Variants in HAX1 observed in about 807,000 individuals in gnomAD.
HAX1 encodes the protein HCLS1 associated protein X-1.
Under a neutral mutation model 31.1 loss-of-function variants are expected in HAX1, and 27 were observed. The ratio of observed to expected loss-of-function variants is 0.87; its 90% CI spans 0.64 to 1.20. The LOEUF (loss-of-function observed/expected upper bound fraction) is 1.20. HAX1 is among the 50% of genes most tolerant of loss of function. HAX1 has a pLI of 0.00. For missense variants in HAX1, 357 were observed against 361.6 expected, an observed-to-expected ratio of 0.99 and a Z score of 0.10; for synonymous variants, 114 against 124.1, an observed-to-expected ratio of 0.92 and a Z score of 0.54.
rs1447687932 is a variant in HAX1, at chr1:154,272,859, C to A, written c.53+83C>A. 3.1e-5 allele frequency: 36 copies of A among 1,160,928 alleles called. No homozygotes were observed. In the South Asian group the frequency reaches 4.4e-4, roughly 14 times the overall value. The allele number at this position is 1,160,928 out of a possible 1,614,324, so 71.9% of individuals were successfully genotyped here. A position where few individuals can be genotyped will look rare whatever the true frequency, so the allele number is the denominator to read the frequency against. Reference sequence around the variant, plus strand: ...TACGTCTTATTTTTGGAAAAACATCCTCTGTCCCACTCCTTCAACTCCTGC... The same window carrying A: ...TACGTCTTATTTTTGGAAAAACATCATCTGTCCCACTCCTTCAACTCCTGC... On this transcript the variant is annotated intron_variant, in intron 1 of 6. Transcript: ENST00000328703.
chr1:154,273,708 T>C (rs910542080), intron 2 of HAX1, 66 bp from the exon 3 acceptor site: 1 of 1,601,370 alleles, frequency 6.2e-7, no homozygotes, highest in African/African-American at 1.3e-5. Context: ...AGACTGATGA[T>C]TTCAGAGAGA....
In HAX1 at chr1:154,272,661, A is replaced by G. The variant is rs952241949; in HGVS notation, c.-63A>G. 6.6e-7 allele frequency: 1 copy of G among 1,519,558 alleles called. No individual in the cohort carries two copies. Among genetic ancestry groups the G allele is most frequent in the Non-Finnish European group, 9.1e-7 (1 of 1,095,426 alleles). The allele number at this position is 1,519,558 out of a possible 1,614,324, so 94.1% of individuals were successfully genotyped here. ...CGCTCAATTTCTCACAGGGCTGCGC[A>G]GGTTTCCCCCGTCTGCGAATGGACC... is the stretch of plus-strand genomic sequence containing the variant. On this transcript the variant is annotated 5_prime_UTR_variant, in exon 1 of 7. Transcript: ENST00000328703.
chr1:154,275,797 G>A lies in HAX1; in HGVS notation c.*96G>A. The A allele has an allele frequency of 2.4e-6, 2 of 820,622 alleles. No individual in the cohort carries two copies. Among genetic ancestry groups the A allele is most frequent in the South Asian group, 2.8e-5 (2 of 70,824 alleles). 50.8% of individuals were successfully genotyped at this position (820,622 alleles called of 1,614,324 possible). ...CTTCTCTTGCCACCTCAGGGGCTTG[G>A]ATATGTGGAATAGTGAACTGGGGCC... On this transcript the variant is annotated 3_prime_UTR_variant, in exon 7 of 7. Coordinates refer to ENST00000328703, the MANE Select transcript of HAX1 (RefSeq NM_006118.4).
In HAX1 at chr1:154,272,655, C is replaced by G; in HGVS notation, c.-69C>G. Reference sequence around the variant, plus strand: ...ACGCCTCGCTCAATTTCTCACAGGGCTGCGCAGGTTTCCCCCGTCTGCGAA... The same window carrying G: ...ACGCCTCGCTCAATTTCTCACAGGGGTGCGCAGGTTTCCCCCGTCTGCGAA... On this transcript the variant is annotated 5_prime_UTR_variant, in exon 1 of 7. Transcript: ENST00000328703. The G allele has an allele frequency of 1.3e-6, 2 of 1,490,734 alleles. No individual in the cohort carries two copies. Among genetic ancestry groups the G allele is most frequent in the African/African-American group, 1.4e-5 (1 of 72,914 alleles). 92.3% of individuals were successfully genotyped at this position (1,490,734 alleles called of 1,614,324 possible). A position where few individuals can be genotyped will look rare whatever the true frequency, so the allele number is the denominator to read the frequency against.
In HAX1 at chr1:154,273,432, G is replaced by A. The variant is rs762584289; in HGVS notation, c.150G>A (p.Arg50=). ...EGGSWGRGNP[R]FHSPQHPPEE... Reference sequence around the variant, plus strand: ...GCTCATGGGGCCGTGGGAACCCAAGGTTCCATAGTCCTCAGCACCCCCCTG... The same window carrying A: ...GCTCATGGGGCCGTGGGAACCCAAGATTCCATAGTCCTCAGCACCCCCCTG... Residue 50 remains arginine, a synonymous_variant, in exon 2 of 7, where the codon AGG becomes AGA. Coordinates refer to ENST00000328703, the MANE Select transcript of HAX1 (RefSeq NM_006118.4). 6.2e-7 allele frequency: 1 copy of A among 1,614,146 alleles called. No individual in the cohort carries two copies. The highest frequency in any genetic ancestry group is 1.1e-5 in the South Asian group (1 of 91,086).
Position 154,275,397 on chromosome 1 carries a change from T to C in HAX1, c.668T>C (p.Val223Ala). Residue 223 changes from valine (V) to alanine (A), a missense_variant, in exon 6 of 7, where the codon GTG becomes GCG. Val to Ala is a moderately conservative substitution (Grantham distance 64). Coordinates refer to ENST00000328703, the MANE Select transcript of HAX1 (RefSeq NM_006118.4). Reference sequence around the variant, plus strand: ...GGTGGGGACTTCTCTTTGTAGATAGTGGAGGAGCGCCGGACTGTGGTGGAC... The same window carrying C: ...GGTGGGGACTTCTCTTTGTAGATAGCGGAGGAGCGCCGGACTGTGGTGGAC... ...VTKITKPDGI[V>A]EERRTVVDSE... 2 of 1,613,844 alleles carry C rather than the reference T, an allele frequency of 1.2e-6. No homozygotes were observed. Among genetic ancestry groups the C allele is most frequent in the African/African-American group, 2.7e-5 (2 of 74,988 alleles).
Position 154,274,966 on chromosome 1 carries a change from C to G in HAX1, c.521C>G (p.Pro174Arg), listed in dbSNP as rs1257711613. ...RPFHRFDDVW[P>R]MDPHPRTRED... ...CTTCTGCAGTTTGATGATGTATGGCCTATGGACCCCCATCCTAGAACCAGA... is the reference window on the plus strand; with the variant it reads ...CTTCTGCAGTTTGATGATGTATGGCGTATGGACCCCCATCCTAGAACCAGA... Residue 174 changes from proline (P) to arginine (R), a missense_variant, in exon 4 of 7, where the codon CCT becomes CGT. By Grantham distance (103) the Pro-to-Arg change is moderately radical. Coordinates refer to ENST00000328703, the MANE Select transcript of HAX1 (RefSeq NM_006118.4). The G allele has an allele frequency of 6.2e-7, 1 of 1,611,046 alleles. No individual in the cohort carries two copies. Among genetic ancestry groups the G allele is most frequent in the Admixed American group, 1.7e-5 (1 of 60,008 alleles).
At position 154,273,549 on chromosome 1, in the gene HAX1, T is replaced by C. The variant is rs1421991782; in HGVS notation, c.267T>C (p.Asn89=). The C allele has an allele frequency of 3.1e-6, 5 of 1,614,168 alleles. No individual in the cohort carries two copies. The highest frequency in any genetic ancestry group is 4.2e-6 in the Non-Finnish European group (5 of 1,180,018). Reference sequence around the variant, plus strand: ...TTGATGACCTAGTACGAGATTTCAATAGCATCTTCAGCGATATGGGGGCCT... The same window carrying C: ...TTGATGACCTAGTACGAGATTTCAACAGCATCTTCAGCGATATGGGGGCCT... ...FGFDDLVRDF[N]SIFSDMGAWT... Residue 89 remains asparagine (N), a synonymous_variant, in exon 2 of 7, where the codon AAT becomes AAC. Coordinates refer to ENST00000328703, the MANE Select transcript of HAX1 (RefSeq NM_006118.4).
In HAX1 at chr1:154,273,845, C is replaced by G. The variant is rs1299426524; in HGVS notation, c.388C>G (p.Leu130Val). Residue 130 changes from leucine (L) to valine (V), a missense_variant, in exon 3 of 7, where the codon CTT becomes GTT. Transcript: ENST00000328703. Reference sequence around the variant, plus strand: ...GGGACAGACACTTCGGGACTCAATGCTTAAGTATCCAGATAGTCACCAGCC... The same window carrying G: ...GGGACAGACACTTCGGGACTCAATGGTTAAGTATCCAGATAGTCACCAGCC... Reference protein sequence around the residue: ...REGQTLRDSMLKYPDSHQPRI... With the variant: ...REGQTLRDSMVKYPDSHQPRI... 6.2e-7 allele frequency: 1 copy of G among 1,613,928 alleles called. No homozygotes were observed. Among genetic ancestry groups the G allele is most frequent in the African/African-American group, 1.3e-5 (1 of 74,926 alleles).
chr1:154,274,323 C>T (rs559343302), intron 3 of HAX1, among the ~76,000 whole-genome samples: 160 of 152,236 alleles, frequency 1.1e-3, no homozygotes, highest in African/African-American at 3.7e-3. Flanking sequence ...TCTCAGCTCA[C>T]TGCAACCTCC....
chr1:154,275,531 G>A, intron 6 of HAX1, 48 bp downstream of exon 6: 2 of 1,583,820 alleles, frequency 1.3e-6, no homozygotes, highest in Non-Finnish European at 1.7e-6. Flanking sequence ...TTGGGGAAGG[G>A]AAATCTTACT....
Position 154,273,391 on chromosome 1 carries a change from G to A in HAX1, c.109G>A (p.Glu37Lys). 6.2e-7 allele frequency: 1 copy of A among 1,613,924 alleles called. No individual in the cohort carries two copies. The highest frequency in any genetic ancestry group is 1.6e-4 in the Middle Eastern group (1 of 6,062). The change falls in exon 2 of 7, where the codon GAA (glutamate) becomes AAA (lysine). Residue 37 changes from glutamate (E) to lysine (K), a missense_variant. Physicochemically the swap from Glu to Lys is moderately conservative, Grantham distance 56. Transcript: ENST00000328703. ...TCGAGATGAAGATGATGATGAGGAA[G>A]AAGAAGAAGAAGGGGGCTCATGGGG... ...MTRDEDDDEE[E>K]EEEGGSWGRG...
At chr1:154,273,071 G>A in intron 1 of HAX1, 1 of 595,684 alleles carries the variant, frequency 1.7e-6, no homozygotes, top group Non-Finnish European at 3.0e-6. Flanking sequence ...TTGGGAGAGA[G>A]AGGAGGGACT....
Position 154,275,715 on chromosome 1 carries a change from C to T in HAX1, c.*14C>T. On this transcript the variant is annotated 3_prime_UTR_variant, in exon 7 of 7. Transcript: ENST00000328703. Reference sequence around the variant, plus strand: ...CGGTCCCGGTAGCCTTGTTAACCCTCAGAGGCCTTCAAGTCCTTTCCACCT... The same window carrying T: ...CGGTCCCGGTAGCCTTGTTAACCCTTAGAGGCCTTCAAGTCCTTTCCACCT... The T allele has an allele frequency of 1.3e-6, 2 of 1,575,958 alleles. No homozygotes were observed. Among genetic ancestry groups the T allele is most frequent in the South Asian group, 1.1e-5 (1 of 90,306 alleles).
Position 154,275,784 on chromosome 1 carries a change from C to T in HAX1, c.*83C>T, listed in dbSNP as rs974387986. The T allele has an allele frequency of 4.4e-6, 4 of 908,696 alleles. No homozygotes were observed. Among genetic ancestry groups the T allele is most frequent in the East Asian group, 5.0e-5 (2 of 39,978 alleles). 56.3% of individuals were successfully genotyped at this position (908,696 alleles called of 1,614,324 possible). A position where few individuals can be genotyped will look rare whatever the true frequency, so the allele number is the denominator to read the frequency against. ...TTAATAAGCTTAGCTTCTCTTGCCA[C>T]CTCAGGGGCTTGGATATGTGGAATA... On this transcript the variant is annotated 3_prime_UTR_variant, in exon 7 of 7. Coordinates refer to ENST00000328703, the MANE Select transcript of HAX1 (RefSeq NM_006118.4).
At chr1:154,272,969 C>T in intron 1 of HAX1, 193 bp downstream of exon 1, 1 of 648,324 alleles carries the variant, frequency 1.5e-6, no homozygotes, top group Non-Finnish European at 2.7e-6. Context: ...GCAAACTAAG[C>T]CTTTCTCCAA....
rs918743699 is a variant in HAX1 at position 154,275,706 on chromosome 1, G to A, written c.*5G>A. ...CGTTGGTTCCGGTCCCGGTAGCCTT[G>A]TTAACCCTCAGAGGCCTTCAAGTCC... On this transcript the variant is annotated 3_prime_UTR_variant, in exon 7 of 7. Transcript: ENST00000328703. The A allele has an allele frequency of 1.2e-6, 2 of 1,607,010 alleles. No individual in the cohort carries two copies. The highest frequency in any genetic ancestry group is 1.3e-5 in the African/African-American group (1 of 74,678).
In HAX1 at chr1:154,272,698, T is replaced by A; in HGVS notation, c.-26T>A. 1 of 1,613,752 alleles carries A rather than the reference T, an allele frequency of 6.2e-7. No homozygotes were observed. On this transcript the variant is annotated 5_prime_UTR_variant, in exon 1 of 7. Coordinates refer to ENST00000328703, the MANE Select transcript of HAX1 (RefSeq NM_006118.4). ...TCTGCGAATGGACCACTGGAGGGGT[T>A]CAAAGGTTCGCGTCCCAGTACGGGA... is the stretch of plus-strand genomic sequence containing the variant.
chr1:154,275,286 A>G, intron 5 of HAX1, 26 bp downstream of exon 5: 3 of 1,569,866 alleles, frequency 1.9e-6, no homozygotes, highest in South Asian at 2.2e-5. Flanking sequence ...GAGGTAAAGG[A>G]AAGTATGGCC....
Sources: allele counts gnomAD v4.1 joint callset (sites outside exome capture counted in the v4.1 genomes callset), GRCh38; gene constraint gnomAD v4.1.1; transcripts MANE v1.5; gene names NCBI Gene and HGNC (gene_info 2026-07-23, HGNC 2026-07-21).